SDK2: variants seen among roughly 807,000 people sequenced by gnomAD.
SDK2 encodes the protein protein sidekick-2.
SDK2 carries 105 observed loss-of-function variants against 253.9 expected under a neutral mutation model. That is an observed-to-expected ratio of 0.41 (90% CI 0.35 to 0.49). The LOEUF is 0.49. SDK2 is among the 20% of genes least tolerant of loss of function. SDK2 has a pLI of 0.06. For synonymous variants in SDK2, 1,249 were observed against 1,234.9 expected (o/e 1.01, Z -0.24); for missense variants, 2,608 against 3,003.0 (o/e 0.87, Z 3.07).
intron 1 of SDK2, among the ~76,000 whole-genome samples, chr17:73,580,802 G>GT (rs1555606285): frequency 6.6e-6 from 1 of 152,176 alleles, no homozygotes; most frequent in Non-Finnish European, 1.5e-5. Flanking sequence ...AAATATTTGC[G>GT]TTATATACTT....
intron 4 of SDK2, among the ~76,000 whole-genome samples, chr17:73,448,806 G>T (rs2063471957): frequency 6.6e-6 from 1 of 151,922 alleles, no homozygotes; most frequent in African/African-American, 2.4e-5. Flanking sequence ...GATTACAGGT[G>T]CATGCCACCA....
At position 73,395,224 on chromosome 17, in the gene SDK2, C is replaced by T; in HGVS notation, c.3523G>A (p.Val1175Ile). The part of the protein sequence containing the change: ...LEEWTEYRVQ[V>I]QAFNAIGSGP... The stretch of plus-strand genomic sequence containing the variant: ...CTCCCGATGGCGTTGAAGGCCTGGA[C>T]CTGGACGCGGTACTCTGTCCACTCC... Residue 1175 changes from valine to isoleucine, a missense_variant, in exon 25 of 45, where the codon GTC (valine) becomes ATC (isoleucine). By Grantham distance (29) the Val-to-Ile change is conservative. Coordinates refer to ENST00000392650, the MANE Select transcript of SDK2 (RefSeq NM_001144952.2). The surrounding 1 kb of genome is among the most constrained non-coding windows in gnomAD (Gnocchi z 4.3). 1 of 1,613,066 alleles carries T rather than the reference C, an allele frequency of 6.2e-7. No individual in the cohort carries two copies. Among genetic ancestry groups the T allele is most frequent in the South Asian group, 1.1e-5 (1 of 90,914 alleles).
intron 1 of SDK2, among the ~76,000 whole-genome samples, chr17:73,615,040 C>G (rs2046036218): frequency 6.6e-6 from 1 of 151,098 alleles, no homozygotes. Flanking sequence ...TTGAATCGTG[C>G]CTGACACAGA....
chr17:73,525,992 G>A (rs926993699), intron 1 of SDK2, among the ~76,000 whole-genome samples: 1 of 152,256 alleles, frequency 6.6e-6, no homozygotes, highest in African/African-American at 2.4e-5. Flanking sequence ...AGATGGATGA[G>A]CCACTTGGCA....
chr17:73,505,207 T>C (rs2063925469), intron 2 of SDK2, among the ~76,000 whole-genome samples: 1 of 152,232 alleles, frequency 6.6e-6, no homozygotes, highest in African/African-American at 2.4e-5. Flanking sequence ...CAATCCTTCT[T>C]CAATGAGAGG....
At chr17:73,563,897 C>T (rs930608911) in intron 1 of SDK2, among the ~76,000 whole-genome samples, 4 of 152,066 alleles carry the variant, frequency 2.6e-5, no homozygotes, top group African/African-American at 4.8e-5. Context: ...CTTAGCCTCC[C>T]GAGTAGCATG....
chr17:73,476,020 G>A (rs1197161020), intron 2 of SDK2, among the ~76,000 whole-genome samples: 1 of 152,214 alleles, frequency 6.6e-6, no homozygotes, highest in Non-Finnish European at 1.5e-5. Flanking sequence ...GCTGAGGCAG[G>A]AGAATCGCTT....
Position 73,390,282 on chromosome 17 carries a change from G to A in SDK2, c.4192+5C>T. 1 of 1,567,402 alleles carries A rather than the reference G, an allele frequency of 6.4e-7. No homozygotes were observed. Among genetic ancestry groups the A allele is most frequent in the Non-Finnish European group, 8.6e-7 (1 of 1,159,890 alleles). ...AAGCCTTCCCTGGCCCCCGTGGGCA[G>A]TCACCTCTCTTCTCGGTGGTCACCA... On this transcript the variant is annotated splice_donor_5th_base_variant and intron_variant, in intron 29 of 44. Coordinates refer to ENST00000392650, the MANE Select transcript of SDK2 (RefSeq NM_001144952.2).
At position 73,495,619 on chromosome 17, in the gene SDK2, C is replaced by CGTGTGTGTGTGTGT. The variant is rs60091992; in HGVS notation, c.224+11805_224+11818dup. ...GCTGTTGGATATTGGAGGCCTGCCC[C>CGTGTGTGTGTGTGT]GTGTGTGTGTGTGTGTGTGTGTGTG... On this transcript the variant is annotated intron_variant, in intron 2 of 44. Transcript: ENST00000392650. Among the ~76,000 whole-genome samples, 1,183 of 148,522 alleles carry CGTGTGTGTGTGTGT rather than the reference C, an allele frequency of 8.0e-3. 23 individuals carry two copies. Among genetic ancestry groups the CGTGTGTGTGTGTGT allele is most frequent in the African/African-American group, 0.027 (1,108 of 40,464 alleles).
chr17:73,526,423 G>C (rs1014807968), intron 1 of SDK2, among the ~76,000 whole-genome samples: 3 of 152,200 alleles, frequency 2.0e-5, no homozygotes, highest in Admixed American at 6.5e-5. Flanking sequence ...GAGAAAGAAG[G>C]GGGTGGGAAT....
rs111374417 is a variant in SDK2 at position 73,442,418 on chromosome 17, C to T, written c.614-1495G>A. Among the ~76,000 whole-genome samples the T allele has an allele frequency of 5.3e-3, 814 of 152,172 alleles. 7 individuals carry two copies. The highest frequency in any genetic ancestry group is 0.019 in the African/African-American group (782 of 41,526). On this transcript the variant is annotated intron_variant, in intron 5 of 44. Transcript: ENST00000392650. ...GTGCAGTGGCACGATCTCGGCTCAC[C>T]ACAACCTCTGCCTCCCAGGTTCAAG...
chr17:73,350,376 C>T lies in SDK2; in HGVS notation c.5900-1G>A. 1 of 1,612,844 alleles carries T rather than the reference C, an allele frequency of 6.2e-7. No homozygotes were observed. The highest frequency in any genetic ancestry group is 1.1e-5 in the South Asian group (1 of 90,914). ...AGGGCTCCAGACTTGGCACTGTTCC[C>T]TGAAGTCGGCGGGAGATTGACACCC... is the stretch of plus-strand genomic sequence containing the variant. On this transcript the variant is annotated splice_acceptor_variant, in intron 42 of 44. Coordinates refer to ENST00000392650, the MANE Select transcript of SDK2 (RefSeq NM_001144952.2). LOFTEE classifies it high-confidence loss of function.
chr17:73,522,010 C>G (rs974766704), intron 1 of SDK2, among the ~76,000 whole-genome samples: 1 of 152,222 alleles, frequency 6.6e-6, no homozygotes, highest in African/African-American at 2.4e-5. Flanking sequence ...GAACTATTCA[C>G]GGCCTCACTT....
intron 1 of SDK2, among the ~76,000 whole-genome samples, chr17:73,562,973 G>C (rs147475424): frequency 1.3e-4 from 20 of 152,206 alleles, no homozygotes; most frequent in African/African-American, 4.1e-4. Flanking sequence ...AGTCTGACTC[G>C]GACCTGGGCA....
At chr17:73,564,780 G>C (rs1021133092) in intron 1 of SDK2, among the ~76,000 whole-genome samples, 1 of 151,798 alleles carries the variant, frequency 6.6e-6, no homozygotes, top group South Asian at 2.1e-4. Context: ...GGCCGAGATC[G>C]CGCCACTGCA....
Position 73,365,358 on chromosome 17 carries a change from C to T in SDK2, c.5205G>A (p.Leu1735=), listed in dbSNP as rs892722952. ...AGGACACATTCACTGAGGTTGTGGT[C>T]AGCTCACTGAACTTGACCGAGCTGG... ...SAPSSVKFSE[L]TTTSVNVSWE... is the part of the protein sequence containing the mutation. The change falls in exon 38 of 45, where the codon CTG becomes CTA. Residue 1735 remains leucine, a synonymous_variant. Coordinates refer to ENST00000392650, the MANE Select transcript of SDK2 (RefSeq NM_001144952.2). 1.2e-6 allele frequency: 2 copies of T among 1,612,030 alleles called. No individual in the cohort carries two copies. Among genetic ancestry groups the T allele is most frequent in the African/African-American group, 2.7e-5 (2 of 74,842 alleles).
intron 2 of SDK2, among the ~76,000 whole-genome samples, chr17:73,475,485 A>T (rs1224966846): frequency 6.6e-6 from 1 of 152,268 alleles, no homozygotes; most frequent in Non-Finnish European, 1.5e-5. Context: ...CAACTATGTG[A>T]CAAAAAAATA....
At chr17:73,357,012 G>A (rs896512294) in intron 40 of SDK2, among the ~76,000 whole-genome samples, 4 of 152,246 alleles carry the variant, frequency 2.6e-5, no homozygotes, top group African/African-American at 7.2e-5. Context: ...TGGTCTCCTG[G>A]CCAACTCAGC....
At chr17:73,476,321 T>G (rs1008406958) in intron 2 of SDK2, among the ~76,000 whole-genome samples, 4 of 152,182 alleles carry the variant, frequency 2.6e-5, no homozygotes, top group African/African-American at 4.8e-5. Flanking sequence ...AGGCATACAA[T>G]TTTTTCAAGA....
Sources: gnomAD v4.1 joint callset for allele counts (sites outside exome capture counted in the v4.1 genomes callset) on GRCh38, gnomAD v4.1.1 for gene constraint, Gnocchi (gnomAD v3.1) non-coding constraint, MANE v1.5 for transcripts, NCBI Gene and HGNC (gene_info 2026-07-23, HGNC 2026-07-21) for gene names.